Variants in TENM3 observed in about 807,000 individuals in gnomAD.
The protein encoded by TENM3 is teneurin-3.
TENM3 carries 63 observed loss-of-function variants against 255.1 expected under a neutral mutation model. The ratio of observed to expected loss-of-function variants is 0.25; its 90% CI spans 0.20 to 0.30. The LOEUF (loss-of-function observed/expected upper bound fraction) is 0.30. TENM3 is among the 10% of genes least tolerant of loss of function. The pLI, the probability that TENM3 is intolerant of heterozygous loss-of-function variation, is 1.00. For missense variants in TENM3, 2,929 were observed against 3,461.1 expected (o/e 0.85, Z 3.86); for synonymous variants, 1,306 against 1,322.3 (o/e 0.99, Z 0.27).
intron 24 of TENM3, among the ~76,000 whole-genome samples, chr4:182,785,780 A>C (rs1765603863): frequency 1.3e-5 from 2 of 151,696 alleles, no homozygotes; most frequent in East Asian, 1.9e-4. Flanking sequence ...CTGTAACAAA[A>C]AAAAAAAAAA....
chr4:181,636,127 C>A, the TENM3 span, among the ~76,000 whole-genome samples: 1 of 152,070 alleles, frequency 6.6e-6, no homozygotes, highest in Non-Finnish European at 1.5e-5. Context: ...CTCACTACAA[C>A]CTCCACATCC....
At chr4:181,733,268 A>G in the TENM3 span, among the ~76,000 whole-genome samples, 2 of 152,216 alleles carry the variant, frequency 1.3e-5, no homozygotes, top group African/African-American at 4.8e-5. Flanking sequence ...CAATCTTCTG[A>G]CATCTATTTA....
chr4:181,823,330 T>C, the TENM3 span, among the ~76,000 whole-genome samples: 1 of 152,240 alleles, frequency 6.6e-6, no homozygotes, highest in South Asian at 2.1e-4. Flanking sequence ...CCACTTCCTA[T>C]TCCCCTGCTT....
intron 3 of TENM3, among the ~76,000 whole-genome samples, chr4:182,553,038 C>T (rs1283136914): frequency 1.3e-5 from 2 of 152,242 alleles, no homozygotes; most frequent in East Asian, 3.9e-4. Context: ...GCAAGGGCAG[C>T]CCTCTCGTAA....
the TENM3 span, among the ~76,000 whole-genome samples, chr4:181,658,510 C>G: frequency 1.5e-3 from 224 of 152,240 alleles, no homozygotes; most frequent in African/African-American, 5.2e-3. Flanking sequence ...ACATTCATGC[C>G]CCCACTCCCA....
chr4:181,920,042 G>A, the TENM3 span, among the ~76,000 whole-genome samples: 2,071 of 151,724 alleles, frequency 0.014, 50 homozygotes, highest in African/African-American at 0.048. Context: ...TTTCCTCCAT[G>A]TCCCTACAAA....
chr4:182,351,290 T>G (rs937871454), intron 3 of TENM3, among the ~76,000 whole-genome samples: 2 of 152,090 alleles, frequency 1.3e-5, no homozygotes, highest in African/African-American at 4.8e-5. Context: ...TGTAATAAAG[T>G]TAGTTTTGTG....
At position 182,416,982 on chromosome 4, in the gene TENM3, GT is replaced by G. The variant is rs565693326; in HGVS notation, c.511+70060del. Among the ~76,000 whole-genome samples, 7 of 152,028 alleles carry G rather than the reference GT, an allele frequency of 4.6e-5. 1 individual carries two copies. In the East Asian group the frequency reaches 1.4e-3, roughly 29 times the overall value. Reference sequence around the variant, plus strand: ...AATTTACATTTTCTTTGTTGTTGTTGTTTTTTTCTGAGACCGAGTCTCCCTC... The same window carrying G: ...AATTTACATTTTCTTTGTTGTTGTTGTTTTTTCTGAGACCGAGTCTCCCTC... On this transcript the variant is annotated intron_variant, in intron 3 of 27. Transcript: ENST00000511685.
intron 3 of TENM3, among the ~76,000 whole-genome samples, chr4:182,366,956 A>G (rs1315233034): frequency 1.3e-5 from 2 of 152,180 alleles, no homozygotes; most frequent in African/African-American, 4.8e-5. Context: ...ACGTATTTTG[A>G]GAGTTCGTTT....
At chr4:181,540,485 G>A in the TENM3 span, among the ~76,000 whole-genome samples, 95 of 152,188 alleles carry the variant, frequency 6.2e-4, no homozygotes, top group African/African-American at 2.1e-3. Flanking sequence ...GACAGGGAGA[G>A]AAAAAGAGCA....
chr4:181,583,422 T>C, the TENM3 span, among the ~76,000 whole-genome samples: 1 of 152,328 alleles, frequency 6.6e-6, no homozygotes, highest in Non-Finnish European at 1.5e-5. Flanking sequence ...ACTTTCCATT[T>C]TATACCTCTC....
chr4:182,026,677 A>G, the TENM3 span, among the ~76,000 whole-genome samples: 1 of 152,148 alleles, frequency 6.6e-6, no homozygotes, highest in Non-Finnish European at 1.5e-5. Flanking sequence ...TCTTCTGCAT[A>G]TGGATAGCCA....
At chr4:182,597,170 C>T (rs1352713643) in intron 3 of TENM3, among the ~76,000 whole-genome samples, 3 of 152,134 alleles carry the variant, frequency 2.0e-5, no homozygotes, top group African/African-American at 7.2e-5. Context: ...TGGGAGGCCT[C>T]CGCGGGAGGA....
intron 4 of TENM3, among the ~76,000 whole-genome samples, chr4:182,626,918 T>A (rs80229389): frequency 0.064 from 9,766 of 152,208 alleles, 413 homozygotes; most frequent in East Asian, 0.14. Flanking sequence ...GTGCCATTTT[T>A]TTTACAGGTC....
At chr4:181,779,996 A>T in the TENM3 span, among the ~76,000 whole-genome samples, 1 of 152,176 alleles carries the variant, frequency 6.6e-6, no homozygotes, top group African/African-American at 2.4e-5. Flanking sequence ...ATAGTATTCC[A>T]TGGTGTATAT....
intron 5 of TENM3, among the ~76,000 whole-genome samples, chr4:182,649,329 T>C (rs953526335): frequency 6.6e-6 from 1 of 150,650 alleles, no homozygotes; most frequent in Non-Finnish European, 1.5e-5. Flanking sequence ...GATAATGGAC[T>C]TCAAGGTTTT....
intron 2 of TENM3, among the ~76,000 whole-genome samples, chr4:182,344,243 T>C (rs949542202): frequency 1.3e-5 from 2 of 152,106 alleles, no homozygotes; most frequent in African/African-American, 4.8e-5. Flanking sequence ...TGAGGCCAAG[T>C]TTAGTTTTCT....
chr4:181,968,962 G>GTCTCTCTC, the TENM3 span, among the ~76,000 whole-genome samples: 25 of 144,440 alleles, frequency 1.7e-4, no homozygotes, highest in African/African-American at 6.5e-4. Context: ...TACCTCTCTT[G>GTCTCTCTC]TCTCTCTCTC....
At chr4:182,334,948 A>G (rs576620712) in intron 2 of TENM3, among the ~76,000 whole-genome samples, 1 of 152,298 alleles carries the variant, frequency 6.6e-6, no homozygotes, top group East Asian at 1.9e-4. Flanking sequence ...AAGTCCAGAG[A>G]TAGACTATCT....
Sources: allele counts gnomAD v4.1 joint callset (sites outside exome capture counted in the v4.1 genomes callset), GRCh38; gene constraint gnomAD v4.1.1; transcripts MANE v1.5; gene names NCBI Gene and HGNC (gene_info 2026-07-23, HGNC 2026-07-21).